Variants in CACNA1B observed in about 807,000 individuals in gnomAD.
The protein encoded by CACNA1B is calcium voltage-gated channel subunit alpha1 B.
In CACNA1B, 70 loss-of-function variants were observed where a neutral mutation model predicts 247.2. The ratio of observed to expected loss-of-function variants is 0.28; its 90% CI spans 0.23 to 0.35. CACNA1B has a LOEUF of 0.35. Ranked by LOEUF, CACNA1B falls within the 10% of genes least tolerant of loss-of-function variation. The pLI is 1.00. For synonymous variants in CACNA1B, 1,231 were observed against 1,294.4 expected, an observed-to-expected ratio of 0.95 and a Z score of 1.05; for missense variants, 2,367 against 3,197.4, an observed-to-expected ratio of 0.74 and a Z score of 6.26.
At chr9:138,076,313 T>G (rs148664306) in intron 35 of CACNA1B, among the ~76,000 whole-genome samples, 2 of 152,316 alleles carry the variant, frequency 1.3e-5, no homozygotes, top group East Asian at 3.9e-4. Flanking sequence ...TGCGCCCTTG[T>G]TGATTACAGG....
chr9:138,066,086 T>G (rs1959904346), intron 31 of CACNA1B, among the ~76,000 whole-genome samples: 1 of 152,148 alleles, frequency 6.6e-6, no homozygotes, highest in African/African-American at 2.4e-5. Context: ...TTTCCAGGAA[T>G]AGTTGGTGAG....
At chr9:137,956,009 A>T (rs959613405) in intron 8 of CACNA1B, among the ~76,000 whole-genome samples, 196 bp downstream of exon 8, 1 of 152,172 alleles carries the variant, frequency 6.6e-6, no homozygotes, top group African/African-American at 2.4e-5. Flanking sequence ...GGCTCTGAGG[A>T]CAGTGGCCTT....
chr9:137,981,465 T>A (rs545523304), intron 12 of CACNA1B, among the ~76,000 whole-genome samples: 1 of 152,288 alleles, frequency 6.6e-6, no homozygotes, highest in Non-Finnish European at 1.5e-5. Flanking sequence ...ATCCCCTGGT[T>A]GATTAAGCAT....
chr9:138,046,764 T>G, intron 21 of CACNA1B, 140 bp from the exon 22 acceptor site: 1 of 755,626 alleles, frequency 1.3e-6, no homozygotes, highest in Admixed American at 2.8e-5. Flanking sequence ...ACAGGGACCA[T>G]TAGCAAAGCG....
Position 137,974,565 on chromosome 9 carries a change from T to G in CACNA1B, c.1544-1342T>G, listed in dbSNP as rs1958195796. Among the ~76,000 whole-genome samples the G allele has an allele frequency of 6.6e-6, 1 of 152,214 alleles. No homozygotes were observed. Among genetic ancestry groups the G allele is most frequent in the Admixed American group, 6.5e-5 (1 of 15,294 alleles). On this transcript the variant is annotated intron_variant, in intron 11 of 46. Coordinates refer to ENST00000371372, the MANE Select transcript of CACNA1B (RefSeq NM_000718.4). The surrounding 1 kb of genome is among the most constrained non-coding windows in gnomAD (Gnocchi z 4.5). ...TCTGCTTATCCCAGGTCTGGGCTGC[T>G]GCAGACTTGCCCCCGACCGAGGCTG...
intron 23 of CACNA1B, 148 bp from the exon 24 acceptor site, chr9:138,049,061 C>T (rs1959208955): frequency 3.1e-6 from 2 of 652,724 alleles, no homozygotes; most frequent in South Asian, 1.8e-5. Context: ...CACCATGTTG[C>T]CCTGGCTGGT....
At position 138,117,800 on chromosome 9, in the gene CACNA1B, C is replaced by T. The variant is rs541949408; in HGVS notation, c.5778-146C>T. On this transcript the variant is annotated intron_variant, in intron 42 of 46. Coordinates refer to ENST00000371372, the MANE Select transcript of CACNA1B (RefSeq NM_000718.4). ...TGGGGCTCTTGTGCCCAAAGGAGGG[C>T]TCAATTCAGTCCAGAACAGGGTGGC... 643 of 551,860 alleles carry T rather than the reference C, an allele frequency of 1.2e-3. 3 individuals carry two copies. The highest frequency in any genetic ancestry group is 1.7e-3 in the Non-Finnish European group (546 of 323,738). 34.2% of individuals were successfully genotyped at this position (551,860 alleles called of 1,614,324 possible).
In CACNA1B at chr9:137,954,189, G is replaced by A. The variant is rs114490215; in HGVS notation, c.1071-1509G>A. Among the ~76,000 whole-genome samples the A allele has an allele frequency of 1.7e-3, 264 of 152,320 alleles. No homozygotes were observed. Among genetic ancestry groups the A allele is most frequent in the African/African-American group, 6.1e-3 (254 of 41,566 alleles). On this transcript the variant is annotated intron_variant, in intron 7 of 46. Coordinates refer to ENST00000371372, the MANE Select transcript of CACNA1B (RefSeq NM_000718.4). The surrounding 1 kb of genome is among the most constrained non-coding windows in gnomAD (Gnocchi z 4.1). Reference sequence around the variant, plus strand: ...CCCAGCAGAGGGCCCCCAAGCCAGGGGCTGGCACCCCCCATGTGGGTCCTG... The same window carrying A: ...CCCAGCAGAGGGCCCCCAAGCCAGGAGCTGGCACCCCCCATGTGGGTCCTG...
chr9:138,032,728 T>C (rs1161843372), intron 20 of CACNA1B: 1 of 454,554 alleles, frequency 2.2e-6, no homozygotes. Context: ...CCATGGTTTC[T>C]GATGAGAAAT....
chr9:137,893,379 G>T (rs1366334654), intron 3 of CACNA1B, among the ~76,000 whole-genome samples: 1 of 149,776 alleles, frequency 6.7e-6, no homozygotes. Flanking sequence ...CACTGGGTGC[G>T]GTGGCTCATG....
rs7858255 is a variant in CACNA1B, at chr9:137,891,656, T to C, written c.530+8773T>C. On this transcript the variant is annotated intron_variant, in intron 3 of 46. Coordinates refer to ENST00000371372, the MANE Select transcript of CACNA1B (RefSeq NM_000718.4). The surrounding 1 kb of genome is among the most constrained non-coding windows in gnomAD (Gnocchi z 4.3). ...CCTCCTTCACACTGGAGCGGCAGAG[T>C]TGCAGATTCACACTGAGGTGAGGAT... 102,612 of 208,502 alleles carry C rather than the reference T, an allele frequency of 0.49. 27,675 individuals carry two copies. The highest frequency in any genetic ancestry group is 0.74 in the African/African-American group (31,610 of 42,460). 12.9% of individuals were successfully genotyped at this position (208,502 alleles called of 1,614,324 possible). A position where few individuals can be genotyped will look rare whatever the true frequency, so the allele number is the denominator to read the frequency against.
rs1454167886 is a variant in CACNA1B, at chr9:138,052,262, G to GTGTGTGTGTGTA, written c.3807+75_3807+76insGTGTGTGTGTAT. ...TGTGTGTGTGTGCGTGTGTGTGTGT[G>GTGTGTGTGTGTA]TATGCATGCAGTGCATGAGTGTGTG... On this transcript the variant is annotated intron_variant, in intron 25 of 46. Transcript: ENST00000371372. The surrounding 1 kb of genome is among the most constrained non-coding windows in gnomAD (Gnocchi z 5.1). 2.2e-5 allele frequency: 18 copies of GTGTGTGTGTGTA among 801,266 alleles called. No homozygotes were observed. The highest frequency in any genetic ancestry group is 2.2e-4 in the African/African-American group (13 of 58,606). 49.6% of individuals were successfully genotyped at this position (801,266 alleles called of 1,614,324 possible).
In CACNA1B at chr9:137,899,258, TG is replaced by T. The variant is rs1172361634; in HGVS notation, c.531-13921del. On this transcript the variant is annotated intron_variant, in intron 3 of 46. Transcript: ENST00000371372. This position sits in a 1 kb window ranked among gnomAD's most constrained non-coding sequence, Gnocchi z 5.0. ...CGCTCCACCATGCCAGGCTAATTTT[TG>T]TATTTTTTTTTTTAGTAGAGGTGGG... 1.3e-5 allele frequency among the ~76,000 whole-genome samples: 2 copies of T among 151,746 alleles called. No individual in the cohort carries two copies. The highest frequency in any genetic ancestry group is 4.9e-5 in the African/African-American group (2 of 41,214).
At chr9:138,089,070 T>G (rs777408474) in intron 36 of CACNA1B, among the ~76,000 whole-genome samples, 2 of 151,676 alleles carry the variant, frequency 1.3e-5, no homozygotes, top group Non-Finnish European at 2.9e-5. Flanking sequence ...ACACCTGTTC[T>G]TCTCAAGCTC....
intron 20 of CACNA1B, among the ~76,000 whole-genome samples, chr9:138,030,742 C>T (rs1301152339): frequency 6.6e-6 from 1 of 152,056 alleles, no homozygotes; most frequent in African/African-American, 2.4e-5. Flanking sequence ...ATATAATTTC[C>T]TTAATAGATA....
At chr9:138,085,115 T>C (rs1260860193) in intron 36 of CACNA1B, among the ~76,000 whole-genome samples, 2 of 150,556 alleles carry the variant, frequency 1.3e-5, no homozygotes, top group Non-Finnish European at 2.9e-5. Context: ...AGATAGACAA[T>C]GCAATGAAAT....
intron 35 of CACNA1B, 126 bp from the exon 36 acceptor site, chr9:138,077,988 G>C: frequency 1.4e-6 from 1 of 715,604 alleles, no homozygotes; most frequent in Non-Finnish European, 2.3e-6. Context: ...CTGTGACCCA[G>C]GCCTGGCACA....
chr9:137,894,562 C>T (rs1957150963), intron 3 of CACNA1B, among the ~76,000 whole-genome samples: 1 of 152,008 alleles, frequency 6.6e-6, no homozygotes, highest in Non-Finnish European at 1.5e-5. Flanking sequence ...GCGCCCGCCA[C>T]CACGCCCGGC....
rs960042454 is a variant in CACNA1B at position 138,012,160 on chromosome 9, G to A, written c.2161-969G>A. ...AGGCACTGCAAGTGGTCACCCAGGA[G>A]TGGGGGAGACAGGGAGAGGCTTCTG... On this transcript the variant is annotated intron_variant, in intron 17 of 46. Coordinates refer to ENST00000371372, the MANE Select transcript of CACNA1B (RefSeq NM_000718.4). This position sits in a 1 kb window ranked among gnomAD's most constrained non-coding sequence, Gnocchi z 4.2. Among the ~76,000 whole-genome samples the A allele has an allele frequency of 2.0e-5, 3 of 152,246 alleles. No homozygotes were observed. Among genetic ancestry groups the A allele is most frequent in the African/African-American group, 7.2e-5 (3 of 41,476 alleles).
Sources: gnomAD v4.1 joint callset for allele counts (sites outside exome capture counted in the v4.1 genomes callset) on GRCh38, gnomAD v4.1.1 for gene constraint, Gnocchi (gnomAD v3.1) non-coding constraint, MANE v1.5 for transcripts, NCBI Gene and HGNC (gene_info 2026-07-23, HGNC 2026-07-21) for gene names.